The following KSR2 variants were observed in gnomAD, a reference collection of about 807,000 sequenced individuals.
KSR2 encodes kinase suppressor of ras 2.
In KSR2, 25 loss-of-function variants were observed where a neutral mutation model predicts 107.8. The observed-to-expected ratio is 0.23, with a 90% CI of 0.17 to 0.32. The LOEUF is 0.32. KSR2 is among the 10% of genes least tolerant of loss of function. KSR2 has a pLI of 1.00. For missense variants in KSR2, 887 were observed against 1,268.9 expected, an observed-to-expected ratio of 0.70 and a Z score of 4.57; for synonymous variants, 480 against 507.0, an observed-to-expected ratio of 0.95 and a Z score of 0.71.
At chr12:117,760,321 C>T (rs932929817) in intron 4 of KSR2, among the ~76,000 whole-genome samples, 1 of 152,222 alleles carries the variant, frequency 6.6e-6, no homozygotes, top group African/African-American at 2.4e-5. Flanking sequence ...ATTTCCCCAA[C>T]GTGTCCTGCT....
intron 1 of KSR2, among the ~76,000 whole-genome samples, chr12:117,940,972 C>T (rs937300615): frequency 1.3e-5 from 2 of 151,972 alleles, no homozygotes; most frequent in African/African-American, 4.8e-5. Flanking sequence ...TGTAATTCAG[C>T]TACTCAGGGG....
In KSR2 at chr12:117,457,349, G is replaced by A. The variant is rs1870673605; in HGVS notation, c.*9850C>T. The A allele has an allele frequency of 1.3e-5, 2 of 152,142 alleles. No individual in the cohort carries two copies. 9.4% of individuals were successfully genotyped at this position (152,142 alleles called of 1,614,324 possible). ...AGTCGCGTGGCCTGGAGACAACTCA[G>A]GGGACATCTGGCAATGTCTGGAGAT... is the stretch of plus-strand genomic sequence containing the variant. On this transcript the variant is annotated 3_prime_UTR_variant, in exon 20 of 20. Transcript: ENST00000339824.
chr12:117,747,532 A>C (rs1413164413), intron 4 of KSR2, among the ~76,000 whole-genome samples: 1 of 152,156 alleles, frequency 6.6e-6, no homozygotes, highest in African/African-American at 2.4e-5. Flanking sequence ...GCAAACCACC[A>C]TGGCACATGT....
rs1192693330 is a variant in KSR2, at chr12:117,579,211, A to C, written c.1242-9T>G. 2 of 1,604,760 alleles carry C rather than the reference A, an allele frequency of 1.2e-6. No homozygotes were observed. The highest frequency in any genetic ancestry group is 3.3e-5 in the Admixed American group (2 of 59,868). On this transcript the variant is annotated splice_polypyrimidine_tract_variant and intron_variant, in intron 6 of 19. Transcript: ENST00000339824. Reference sequence around the variant, plus strand: ...AGTACTTGGTGGAAAACCTGTGGAAAAGAGACAGAAAATGTTCAAGGTTAA... The same window carrying C: ...AGTACTTGGTGGAAAACCTGTGGAACAGAGACAGAAAATGTTCAAGGTTAA...
At chr12:117,589,346 A>G (rs969844724) in intron 5 of KSR2, among the ~76,000 whole-genome samples, 1 of 152,210 alleles carries the variant, frequency 6.6e-6, no homozygotes, top group African/African-American at 2.4e-5. Flanking sequence ...CCTATTACCC[A>G]GTGGGACCTA....
chr12:117,486,057 C>T (rs1004647317), intron 14 of KSR2, among the ~76,000 whole-genome samples: 52 of 152,134 alleles, frequency 3.4e-4, no homozygotes, highest in African/African-American at 1.2e-3. Context: ...TTCTGTTGGC[C>T]ATTCACACCA....
At chr12:117,880,995 G>A (rs1894009541) in intron 1 of KSR2, among the ~76,000 whole-genome samples, 1 of 150,874 alleles carries the variant, frequency 6.6e-6, no homozygotes, top group African/African-American at 2.4e-5. Flanking sequence ...TTATGGCAGA[G>A]TCTCACTCTA....
intron 9 of KSR2, among the ~76,000 whole-genome samples, chr12:117,550,392 A>T (rs960537015): frequency 3.3e-5 from 5 of 152,172 alleles, no homozygotes; most frequent in Non-Finnish European, 7.3e-5. Flanking sequence ...TCTCCCATGG[A>T]CACTTTCTAA....
chr12:117,668,878 C>T (rs1226754516), intron 4 of KSR2, among the ~76,000 whole-genome samples: 1 of 152,154 alleles, frequency 6.6e-6, no homozygotes, highest in South Asian at 2.1e-4. Flanking sequence ...ATTCTTTGTA[C>T]ACTCTGTGCC....
intron 3 of KSR2, among the ~76,000 whole-genome samples, chr12:117,814,906 C>T (rs567699155): frequency 6.6e-6 from 1 of 152,152 alleles, no homozygotes; most frequent in Non-Finnish European, 1.5e-5. Context: ...AGCAAAAGGC[C>T]AATATCCTAA....
intron 1 of KSR2, among the ~76,000 whole-genome samples, chr12:117,938,801 C>A (rs954421556): frequency 6.6e-6 from 1 of 152,064 alleles, no homozygotes; most frequent in African/African-American, 2.4e-5. Context: ...TGGCTGAATT[C>A]TTATCCCAAC....
intron 1 of KSR2, among the ~76,000 whole-genome samples, chr12:117,902,068 A>C (rs2137396885): frequency 6.6e-6 from 1 of 152,346 alleles, no homozygotes; most frequent in Middle Eastern, 3.4e-3. Context: ...ATAAATCCTG[A>C]ATGGCCAATT....
chr12:117,841,691 T>C lies in KSR2; in HGVS notation c.472+13737A>G, dbSNP rs535413402. ...AGAAAGCCATTCATTCCCACCACTTTTTTATGTGGGAAGCCTCCGCTTAAC... is the reference window on the plus strand; with the variant it reads ...AGAAAGCCATTCATTCCCACCACTTCTTTATGTGGGAAGCCTCCGCTTAAC... On this transcript the variant is annotated intron_variant, in intron 3 of 19. Coordinates refer to ENST00000339824, the MANE Select transcript of KSR2 (RefSeq NM_173598.6). 3.3e-5 allele frequency among the ~76,000 whole-genome samples: 5 copies of C among 152,230 alleles called. No homozygotes were observed. The East Asian group carries it at 9.6e-4, about 29-fold the overall frequency.
At chr12:117,608,817 A>G (rs1878418) in intron 5 of KSR2, among the ~76,000 whole-genome samples, 124,724 of 151,980 alleles carry the variant, frequency 0.82, 51,476 homozygotes, top group East Asian at 0.97. Context: ...AGGCCTCTGC[A>G]GCAAAACATC....
intron 3 of KSR2, among the ~76,000 whole-genome samples, chr12:117,819,756 C>T (rs1162105727): frequency 6.6e-6 from 1 of 151,904 alleles, no homozygotes; most frequent in Non-Finnish European, 1.5e-5. Context: ...AACCAAAACC[C>T]AATACTTATG....
intron 1 of KSR2, among the ~76,000 whole-genome samples, chr12:117,893,297 A>G (rs959111915): frequency 1.3e-5 from 2 of 152,140 alleles, no homozygotes; most frequent in Non-Finnish European, 2.9e-5. Context: ...GATTACAGGC[A>G]TGAGCCACTG....
Position 117,939,100 on chromosome 12 carries a change from A to G in KSR2, c.180+28976T>C, listed in dbSNP as rs564527616. 3.3e-5 allele frequency among the ~76,000 whole-genome samples: 5 copies of G among 152,348 alleles called. No homozygotes were observed. The South Asian group carries it at 1.0e-3, about 32-fold the overall frequency. On this transcript the variant is annotated intron_variant, in intron 1 of 19. Coordinates refer to ENST00000339824, the MANE Select transcript of KSR2 (RefSeq NM_173598.6). ...TCAGCAGAGCTAGGGCAAGGCAGAT[A>G]TAATCACAGTGACGACTTCAATAAA...
At chr12:117,874,214 T>C (rs1893752940) in intron 1 of KSR2, among the ~76,000 whole-genome samples, 1 of 152,136 alleles carries the variant, frequency 6.6e-6, no homozygotes, top group Non-Finnish European at 1.5e-5. Context: ...ATGACAATGC[T>C]GAAGTGAGTG....
chr12:117,517,509 T>G (rs1240648616), intron 14 of KSR2, among the ~76,000 whole-genome samples: 1 of 151,872 alleles, frequency 6.6e-6, no homozygotes, highest in South Asian at 2.1e-4. Flanking sequence ...TCGAGGAGAG[T>G]GGTGGCCAGT....
Sources: gnomAD v4.1 joint callset for allele counts (sites outside exome capture counted in the v4.1 genomes callset) on GRCh38, gnomAD v4.1.1 for gene constraint, MANE v1.5 for transcripts, NCBI Gene and HGNC (gene_info 2026-07-23, HGNC 2026-07-21) for gene names.